Variants in NFIB observed in about 807,000 individuals in gnomAD.
NFIB encodes nuclear factor 1 B-type.
NFIB carries 11 observed loss-of-function variants against 61.5 expected under a neutral mutation model. That is an observed-to-expected ratio of 0.18 (90% CI 0.11 to 0.30). NFIB has a LOEUF of 0.30. NFIB is among the 10% of genes least tolerant of loss of function. NFIB has a pLI of 1.00. For synonymous variants in NFIB, 260 were observed against 216.5 expected (o/e 1.20, Z -1.76); for missense variants, 471 against 608.9 (o/e 0.77, Z 2.38).
intron 2 of NFIB, among the ~76,000 whole-genome samples, chr9:14,222,960 G>T (rs1226543643): frequency 6.6e-6 from 1 of 152,016 alleles, no homozygotes; most frequent in African/African-American, 2.4e-5. Context: ...GGCTTATGCA[G>T]CTAAATCAGG....
intron 6 of NFIB, among the ~76,000 whole-genome samples, chr9:14,139,109 T>C (rs1299951628): frequency 6.6e-6 from 1 of 152,118 alleles, no homozygotes; most frequent in Non-Finnish European, 1.5e-5. Context: ...CATTTGTAAG[T>C]TTACATACTG....
At chr9:14,179,806 TTC>T in intron 2 of NFIB, 26 bp from the exon 3 acceptor site, 1 of 1,610,016 alleles carries the variant, frequency 6.2e-7, no homozygotes, top group Non-Finnish European at 8.5e-7. Context: ...AGAAAATGTT[TTC>T]TTTTTAATTT....
intron 1 of NFIB, among the ~76,000 whole-genome samples, chr9:14,310,199 T>C (rs149179343): frequency 6.6e-6 from 1 of 152,232 alleles, no homozygotes; most frequent in Admixed American, 6.5e-5. Context: ...CACACAGTTT[T>C]TAAACGTTCC....
At chr9:14,438,805 G>A in the NFIB span, among the ~76,000 whole-genome samples, 17 of 152,218 alleles carry the variant, frequency 1.1e-4, 1 homozygote, top group South Asian at 1.2e-3. Context: ...CGGGAGAACA[G>A]CTGAAGGCCT....
chr9:14,458,106 C>T, the NFIB span, among the ~76,000 whole-genome samples: 10 of 152,102 alleles, frequency 6.6e-5, no homozygotes, highest in African/African-American at 2.2e-4. Context: ...AACATCGATG[C>T]AAAAATCCTC....
chr9:14,113,272 G>T (rs1384880095), intron 9 of NFIB, among the ~76,000 whole-genome samples, 191 bp from the exon 10 acceptor site: 1 of 152,076 alleles, frequency 6.6e-6, no homozygotes, highest in Non-Finnish European at 1.5e-5. Flanking sequence ...AAATCAACTA[G>T]TTTATTCCCC....
chr9:14,503,122 G>A, the NFIB span, among the ~76,000 whole-genome samples: 19 of 147,818 alleles, frequency 1.3e-4, no homozygotes, highest in African/African-American at 4.5e-4. Context: ...GTATGTGTGT[G>A]TATGTGTGTG....
intron 3 of NFIB, among the ~76,000 whole-genome samples, chr9:14,179,135 G>A (rs530284849): frequency 1.3e-5 from 2 of 152,154 alleles, no homozygotes; most frequent in South Asian, 4.1e-4. Context: ...AGACAGCCAA[G>A]TTATAAAAGC....
At chr9:14,190,618 G>A (rs893374795) in intron 2 of NFIB, among the ~76,000 whole-genome samples, 8 of 152,112 alleles carry the variant, frequency 5.3e-5, no homozygotes, top group African/African-American at 1.9e-4. Flanking sequence ...TTTGAAAAGG[G>A]ATAAAATGAG....
chr9:14,495,445 ACT>A, the NFIB span, among the ~76,000 whole-genome samples: 1 of 98,136 alleles, frequency 1.0e-5, no homozygotes, highest in East Asian at 3.0e-4. Context: ...AGAGAAATGA[ACT>A]TTTTTTTTTT....
intron 2 of NFIB, among the ~76,000 whole-genome samples, chr9:14,284,996 G>A (rs929360155): frequency 1.1e-4 from 17 of 151,842 alleles, no homozygotes; most frequent in South Asian, 4.2e-4. Context: ...TAGAGCAAGA[G>A]AAAACAAAAA....
intron 2 of NFIB, among the ~76,000 whole-genome samples, chr9:14,191,279 G>A (rs996189424): frequency 1.3e-5 from 2 of 152,074 alleles, no homozygotes; most frequent in Non-Finnish European, 2.9e-5. Context: ...AGTGAGCTGA[G>A]ATTACATCAC....
At chr9:14,340,731 T>A (rs1056691361) in intron 1 of NFIB, among the ~76,000 whole-genome samples, 4 of 152,248 alleles carry the variant, frequency 2.6e-5, no homozygotes, top group African/African-American at 9.6e-5. Context: ...TTGGAATCTA[T>A]TAATCTGGTG....
the NFIB span, among the ~76,000 whole-genome samples, chr9:14,529,295 T>C: frequency 6.6e-6 from 1 of 152,116 alleles, no homozygotes; most frequent in East Asian, 1.9e-4. Flanking sequence ...AAACAGACAA[T>C]AAGTCAGGAA....
chr9:14,326,296 G>A (rs758605438), intron 1 of NFIB, among the ~76,000 whole-genome samples: 31 of 152,250 alleles, frequency 2.0e-4, no homozygotes, highest in Middle Eastern at 3.4e-3. Context: ...ACAAGACATA[G>A]TCGCCCATCA....
intron 10 of NFIB, among the ~76,000 whole-genome samples, chr9:14,109,555 T>A (rs1322434100): frequency 6.6e-6 from 1 of 152,052 alleles, no homozygotes; most frequent in African/African-American, 2.4e-5. Flanking sequence ...TAAAGAAGAA[T>A]GAAGCTCCAA....
intron 6 of NFIB, among the ~76,000 whole-genome samples, chr9:14,140,374 C>A (rs2041548978): frequency 6.6e-6 from 1 of 152,134 alleles, no homozygotes; most frequent in Non-Finnish European, 1.5e-5. Context: ...GACTAGAGCA[C>A]TGTGTTCCAA....
intron 1 of NFIB, among the ~76,000 whole-genome samples, chr9:14,350,449 T>C (rs1361902945): frequency 6.9e-6 from 1 of 145,042 alleles, no homozygotes; most frequent in African/African-American, 2.5e-5. Context: ...TACCTGCCCT[T>C]GCCTCGCTGC....
intron 10 of NFIB, among the ~76,000 whole-genome samples, chr9:14,101,648 T>A (rs950203431): frequency 6.6e-6 from 1 of 152,258 alleles, no homozygotes; most frequent in African/African-American, 2.4e-5. Flanking sequence ...AATCTAATTA[T>A]TTAATTTGTC....
Sources: allele counts gnomAD v4.1 joint callset (sites outside exome capture counted in the v4.1 genomes callset), GRCh38; gene constraint gnomAD v4.1.1; transcripts MANE v1.5; gene names NCBI Gene and HGNC (gene_info 2026-07-23, HGNC 2026-07-21).